SBF1: variants seen among roughly 807,000 people sequenced by gnomAD.
The protein encoded by SBF1 is myotubularin-related protein 5.
Under a neutral mutation model 215.8 loss-of-function variants are expected in SBF1, and 65 were observed. That is an observed-to-expected ratio of 0.30 (90% CI 0.25 to 0.37). The LOEUF is 0.37. Ranked by LOEUF, SBF1 falls within the 10% of genes least tolerant of loss-of-function variation. The pLI is 1.00. For missense variants in SBF1, 2,634 were observed against 2,667.8 expected (o/e 0.99, Z 0.28); for synonymous variants, 1,410 against 1,122.8 (o/e 1.26, Z -5.11).
Position 50,462,522 on chromosome 22 carries a change from T to C in SBF1, c.2127+37A>G, listed in dbSNP as rs116404506. On this transcript the variant is annotated intron_variant, in intron 18 of 40. Transcript: ENST00000380817. ...GCCGGGGCCACGCTGCCCCAGCCCC[T>C]AGCCCCCAGCCCCCAGCCCAGGGAG... 102,074 of 1,587,878 alleles carry C rather than the reference T, an allele frequency of 0.064. 4,343 individuals carry two copies. The highest frequency in any genetic ancestry group is 0.21 in the African/African-American group (15,871 of 74,770).
Position 50,448,579 on chromosome 22 carries a change from CT to C in SBF1, c.5114del (p.Lys1705ArgfsTer44). ...GCCGGCCCTCGAGGCGCTGTGCAGCCTTCACCCGGTCCCAGGTGTCCTTCCA... is the reference window on the plus strand; with the variant it reads ...GCCGGCCCTCGAGGCGCTGTGCAGCCTCACCCGGTCCCAGGTGTCCTTCCA... ...ERWKDTWDRVKAAQRLEGRPD... is the reference protein window; with the variant it reads ...ERWKDTWDRVXAAQRLEGRPD... On this transcript the variant is annotated frameshift_variant, in exon 37 of 41. Transcript: ENST00000380817. LOFTEE classifies it high-confidence loss of function. 6.2e-7 allele frequency: 1 copy of C among 1,612,172 alleles called. No individual in the cohort carries two copies.
At chr22:50,447,683 C>T (rs1366868059) in intron 38 of SBF1, 74 bp from the exon 39 acceptor site, 8 of 1,124,304 alleles carry the variant, frequency 7.1e-6, no homozygotes, top group African/African-American at 1.5e-5. Context: ...CAGTCGTCCC[C>T]CCCTTGCTGT....
In SBF1 at chr22:50,454,910, G is replaced by A. The variant is rs746061963; in HGVS notation, c.4716C>T (p.Gly1572=). 6 of 1,613,896 alleles carry A rather than the reference G, an allele frequency of 3.7e-6. No individual in the cohort carries two copies. Among genetic ancestry groups the A allele is most frequent in the East Asian group, 4.5e-5 (2 of 44,894 alleles). The change falls in exon 35 of 41, where the codon GGC becomes GGT. Residue 1572 remains glycine, a synonymous_variant. Transcript: ENST00000380817. ...CCCACACAGACCTGCACGGCACCTGGCCCCTGCGTTCCCCCTTCTCCTCAT... is the reference window on the plus strand; with the variant it reads ...CCCACACAGACCTGCACGGCACCTGACCCCTGCGTTCCCCCTTCTCCTCAT... ...LLYEEKGERR[G]QVPCRSVWEY... is the part of the protein sequence containing the mutation.
At position 50,474,907 on chromosome 22, in the gene SBF1, GCGCTCATGGCCCGGCCC is replaced by G; in HGVS notation, c.-84_-68del. ...CGCGGCTCGGGGACTCGAGGACGGC[GCGCTCATGGCCCGGCCC>G]CGGCCCTGGACCGCGCACCCCGGAC... On this transcript the variant is annotated 5_prime_UTR_variant, in exon 1 of 41. The change abolishes an upstream ATG in the 5' untranslated region. Coordinates refer to ENST00000380817, the MANE Select transcript of SBF1 (RefSeq NM_002972.4). 2 of 1,149,010 alleles carry G rather than the reference GCGCTCATGGCCCGGCCC, an allele frequency of 1.7e-6. No homozygotes were observed. 71.2% of individuals were successfully genotyped at this position (1,149,010 alleles called of 1,614,324 possible). A position where few individuals can be genotyped will look rare whatever the true frequency, so the allele number is the denominator to read the frequency against.
At chr22:50,464,778 T>A (rs375325228) in intron 13 of SBF1, 40 bp from the exon 14 acceptor site, 1 of 1,611,764 alleles carries the variant, frequency 6.2e-7, no homozygotes. Context: ...GGCCCAGGGA[T>A]CAAGGCGGTA....
At chr22:50,449,651 CA>C (rs2066970580) in intron 36 of SBF1, among the ~76,000 whole-genome samples, 2 of 147,800 alleles carry the variant, frequency 1.4e-5, no homozygotes, top group African/African-American at 4.9e-5. Flanking sequence ...CACACACACA[CA>C]CACACCCCAA....
At position 50,467,409 on chromosome 22, in the gene SBF1, G is replaced by A; in HGVS notation, c.478C>T (p.Leu160=). Residue 160 remains leucine (L), a synonymous_variant, in exon 5 of 41, where the codon CTG becomes TTG. Transcript: ENST00000380817. The part of the protein sequence containing the change: ...GLIYAIHVEG[L]NVCLENVIGN... ...ATCACGTTCTCCAGGCACACATTCA[G>A]GCCCTCCACGTGGATGGCATAGATG... 1 of 1,614,176 alleles carries A rather than the reference G, an allele frequency of 6.2e-7. No individual in the cohort carries two copies. Among genetic ancestry groups the A allele is most frequent in the Non-Finnish European group, 8.5e-7 (1 of 1,180,026 alleles).
At chr22:50,470,835 C>T (rs550587215) in intron 1 of SBF1, among the ~76,000 whole-genome samples, 1 of 152,240 alleles carries the variant, frequency 6.6e-6, no homozygotes, top group Non-Finnish European at 1.5e-5. Flanking sequence ...CAGAACACAG[C>T]TGGCCCCTGG....
intron 36 of SBF1, among the ~76,000 whole-genome samples, chr22:50,451,795 CTTT>C (rs869258302): frequency 7.9e-5 from 11 of 139,622 alleles, no homozygotes; most frequent in Non-Finnish European, 6.3e-5. Flanking sequence ...AAAGTAATAT[CTTT>C]TTTTTTTTTT....
intron 28 of SBF1, among the ~76,000 whole-genome samples, chr22:50,457,528 G>A (rs1274875263): frequency 6.6e-6 from 1 of 152,244 alleles, no homozygotes; most frequent in Non-Finnish European, 1.5e-5. Context: ...TCTGTCCAGG[G>A]CACAGCAACA....
In SBF1 at chr22:50,462,425, C is replaced by A; in HGVS notation, c.2176G>T (p.Val726Leu). ...SQEDERSALD[V>L]ASEQRRLWPT... ...CACAAGCGCCGCTGCTCAGAAGCCACGTCTAGGGCAGAGCGCTCGTCCTCC... is the reference window on the plus strand; with the variant it reads ...CACAAGCGCCGCTGCTCAGAAGCCAAGTCTAGGGCAGAGCGCTCGTCCTCC... Residue 726 changes from valine to leucine, a missense_variant, in exon 19 of 41, where the codon GTG becomes TTG. Coordinates refer to ENST00000380817, the MANE Select transcript of SBF1 (RefSeq NM_002972.4). 6.2e-7 allele frequency: 1 copy of A among 1,614,046 alleles called. No homozygotes were observed. Among genetic ancestry groups the A allele is most frequent in the East Asian group, 2.2e-5 (1 of 44,888 alleles).
Position 50,464,717 on chromosome 22 carries a change from C to A in SBF1, c.1453G>T (p.Ala485Ser), listed in dbSNP as rs772555653. ...YKNENPYPAV[A>S]MHKVQRPGES... ...CCGGGCCTCTGTACCTTGTGCATCG[C>A]CACGGCTGGGTACGGGTTCTCCTGT... Residue 485 changes from alanine to serine, a missense_variant, in exon 14 of 41, where the codon GCG becomes TCG. By Grantham distance (99) the Ala-to-Ser change is moderately conservative. Transcript: ENST00000380817. The A allele has an allele frequency of 1.9e-6, 3 of 1,607,036 alleles. No individual in the cohort carries two copies. In the African/African-American group the frequency reaches 4.0e-5, roughly 21 times the overall value.
In SBF1 at chr22:50,459,269, T is replaced by G. The variant is rs758983994; in HGVS notation, c.3812A>C (p.His1271Pro). The G allele has an allele frequency of 4.4e-6, 7 of 1,603,912 alleles. No homozygotes were observed. In the African/African-American group the frequency reaches 9.4e-5, roughly 21 times the overall value. Residue 1271 changes from histidine (H) to proline (P), a missense_variant, in exon 28 of 41, where the codon CAC becomes CCC. His to Pro is a moderately conservative substitution (Grantham distance 77). Coordinates refer to ENST00000380817, the MANE Select transcript of SBF1 (RefSeq NM_002972.4). ...RNTLSGFSSAHMGSHVPSPRA... is the reference protein window; with the variant it reads ...RNTLSGFSSAPMGSHVPSPRA... ...AGCACCCTCACCGTGACTGCCCATGTGGGCTGAGGAGAAGCCGCTAAGCGT... is the reference window on the plus strand; with the variant it reads ...AGCACCCTCACCGTGACTGCCCATGGGGGCTGAGGAGAAGCCGCTAAGCGT...
intron 16 of SBF1, 131 bp downstream of exon 16, chr22:50,463,152 C>G (rs1260508920): frequency 3.9e-6 from 5 of 1,293,694 alleles, no homozygotes; most frequent in Non-Finnish European, 2.2e-6. Flanking sequence ...CCCTGCAGAC[C>G]GAGGACCCCT....
intron 1 of SBF1, 76 bp from the exon 2 acceptor site, chr22:50,468,537 A>G: frequency 7.6e-6 from 7 of 920,510 alleles, no homozygotes; most frequent in South Asian, 1.7e-5. Context: ...CCCAGGGTGG[A>G]AACATTCCCA....
chr22:50,467,580 C>G lies in SBF1; in HGVS notation c.390G>C (p.Pro130=). ...APAPSAQLFA[P]KTLVLVSRLD... is the part of the protein sequence containing the mutation. ...GTCGCGACACCAGTACCAGCGTCTT[C>G]GGTGCAAACAGCTGGGCAGATGGGG... The change falls in exon 4 of 41, where the codon CCG becomes CCC. Residue 130 remains proline, a synonymous_variant. Coordinates refer to ENST00000380817, the MANE Select transcript of SBF1 (RefSeq NM_002972.4). The G allele has an allele frequency of 1.2e-6, 2 of 1,614,118 alleles. No individual in the cohort carries two copies. The highest frequency in any genetic ancestry group is 2.2e-5 in the South Asian group (2 of 91,074).
chr22:50,466,614 G>T lies in SBF1; in HGVS notation c.646C>A (p.Arg216Ser). ...GGACAGACAGGCTCACCTAGCTGGC[G>T]GAAGAGCAGGGCCACGCTGCAGCGG... is the stretch of plus-strand genomic sequence containing the variant. ...VSRCSVALLF[R>S]QLGITNVLSL... Residue 216 changes from arginine (R) to serine (S), a missense_variant, in exon 6 of 41, where the codon CGC (arginine) becomes AGC (serine). Transcript: ENST00000380817. 1.3e-6 allele frequency: 2 copies of T among 1,551,124 alleles called. No individual in the cohort carries two copies. Among genetic ancestry groups the T allele is most frequent in the Non-Finnish European group, 1.7e-6 (2 of 1,146,622 alleles).
intron 36 of SBF1, among the ~76,000 whole-genome samples, chr22:50,450,418 G>A (rs186502942): frequency 7.6e-4 from 116 of 152,166 alleles, no homozygotes; most frequent in Middle Eastern, 3.4e-3. Flanking sequence ...CTACTCGGGA[G>A]GCTGAGGCAG....
intron 5 of SBF1, chr22:50,467,012 CAGACGGGCAGAA>C: frequency 1.8e-6 from 1 of 566,950 alleles, no homozygotes; most frequent in Non-Finnish European, 3.1e-6. Flanking sequence ...CTGCACAGGA[CAGACGGGCAGAA>C]AGACACGGTT....
Sources: allele counts gnomAD v4.1 joint callset (sites outside exome capture counted in the v4.1 genomes callset), GRCh38; gene constraint gnomAD v4.1.1; transcripts MANE v1.5; gene names NCBI Gene and HGNC (gene_info 2026-07-23, HGNC 2026-07-21).